COG3: variants seen among roughly 807,000 people sequenced by gnomAD.
COG3 encodes the protein conserved oligomeric Golgi complex subunit 3.
COG3 carries 32 observed loss-of-function variants against 114.1 expected under a neutral mutation model. That is an observed-to-expected ratio of 0.28 (90% confidence interval 0.21 to 0.38). The LOEUF is 0.38. Ranked by LOEUF, COG3 falls within the 10% of genes least tolerant of loss-of-function variation. COG3 has a pLI of 1.00. For missense variants in COG3, 813 were observed against 973.2 expected, an observed-to-expected ratio of 0.84 and a Z score of 2.19; for synonymous variants, 352 against 365.7, an observed-to-expected ratio of 0.96 and a Z score of 0.43.
At position 45,492,355 on chromosome 13, in the gene COG3, TTTAAC is replaced by T; in HGVS notation, c.1187+108_1187+112del. The T allele has an allele frequency of 5.1e-6, 3 of 586,670 alleles. No homozygotes were observed. In the South Asian group the frequency reaches 7.3e-5, roughly 14 times the overall value. The allele number at this position is 586,670 out of a possible 1,614,324, so 36.3% of individuals were successfully genotyped here. A position where few individuals can be genotyped will look rare whatever the true frequency, so the allele number is the denominator to read the frequency against. On this transcript the variant is annotated intron_variant, in intron 11 of 22. Coordinates refer to ENST00000349995, the MANE Select transcript of COG3 (RefSeq NM_031431.4). ...TATTCTATCATTAACTGGAGAATGT[TTTAAC>T]TTGTTTGTGTCTGTGAACAGAATAT...
intron 20 of COG3, among the ~76,000 whole-genome samples, chr13:45,526,328 C>T (rs1054418871): frequency 1.3e-4 from 19 of 151,818 alleles, no homozygotes; most frequent in African/African-American, 4.4e-4. Flanking sequence ...TCAGGCGATC[C>T]GCCCACCTCG....
chr13:45,474,500 A>G (rs1026186119), intron 1 of COG3, among the ~76,000 whole-genome samples: 9 of 152,142 alleles, frequency 5.9e-5, no homozygotes, highest in African/African-American at 1.7e-4. Flanking sequence ...TGATACAGAC[A>G]GTGTATCCGT....
chr13:45,464,972 G>A lies in COG3; in HGVS notation c.-65G>A. On this transcript the variant is annotated 5_prime_UTR_variant, in exon 1 of 23. Transcript: ENST00000349995. ...GGAAGCTCCGGTTCTCCCGGAAGTG[G>A]CCCAGGTCTCTCTGTCGGGGTCCCC... 1 of 1,513,350 alleles carries A rather than the reference G, an allele frequency of 6.6e-7. No homozygotes were observed. 93.7% of individuals were successfully genotyped at this position (1,513,350 alleles called of 1,614,324 possible).
chr13:45,535,902 A>C lies in COG3; in HGVS notation c.*1171A>C, dbSNP rs1266479681. ...TTCAAAAAGAATTCTGAGTTTTTCA[A>C]ACACTAGTCTAGAGGTGGACATTGT... On this transcript the variant is annotated 3_prime_UTR_variant, in exon 23 of 23. Transcript: ENST00000349995. The C allele has an allele frequency of 1.0e-6, 1 of 986,694 alleles. No homozygotes were observed. The highest frequency in any genetic ancestry group is 1.7e-5 in the African/African-American group (1 of 57,272). The allele number at this position is 986,694 out of a possible 1,614,324, so 61.1% of individuals were successfully genotyped here.
intron 19 of COG3, among the ~76,000 whole-genome samples, chr13:45,524,640 C>A (rs904748442): frequency 6.6e-6 from 1 of 152,188 alleles, no homozygotes; most frequent in African/African-American, 2.4e-5. Flanking sequence ...CCTTAAGAGA[C>A]ACCTGTTTTG....
intron 14 of COG3, among the ~76,000 whole-genome samples, chr13:45,506,038 A>T (rs1205206415): frequency 2.0e-5 from 3 of 150,980 alleles, no homozygotes; most frequent in African/African-American, 7.3e-5. Context: ...CTGGGAGTGT[A>T]GGCTCATGCC....
chr13:45,517,579 G>T (rs1383263062), intron 17 of COG3, among the ~76,000 whole-genome samples: 3 of 150,050 alleles, frequency 2.0e-5, no homozygotes, highest in Non-Finnish European at 4.4e-5. Context: ...TTAAATAGGA[G>T]CCAGATACCC....
intron 1 of COG3, among the ~76,000 whole-genome samples, chr13:45,471,633 T>C (rs543551667): frequency 2.0e-5 from 3 of 152,346 alleles, no homozygotes; most frequent in South Asian, 2.1e-4. Flanking sequence ...TTTGGGTAGA[T>C]ATGTGTTTTA....
At chr13:45,492,062 T>G (rs1317441967) in intron 10 of COG3, 97 bp from the exon 11 acceptor site, 1 of 698,314 alleles carries the variant, frequency 1.4e-6, no homozygotes, top group Non-Finnish European at 2.4e-6. Context: ...AGAGTGTGTA[T>G]GTGTTATCTC....
In COG3 at chr13:45,479,149, A is replaced by G. The variant is rs2137796265; in HGVS notation, c.383+83A>G. ...AGCATTTCATAATCAGTGTCTTTAA[A>G]TAAAACTGAGGTATTAAGAAAACTG... On this transcript the variant is annotated intron_variant, in intron 3 of 22. Transcript: ENST00000349995. 3 of 988,276 alleles carry G rather than the reference A, an allele frequency of 3.0e-6. No individual in the cohort carries two copies. The East Asian group carries it at 7.3e-5, about 24-fold the overall frequency. The allele number at this position is 988,276 out of a possible 1,614,324, so 61.2% of individuals were successfully genotyped here.
intron 22 of COG3, among the ~76,000 whole-genome samples, chr13:45,532,804 G>A (rs997501860): frequency 4.0e-5 from 6 of 151,838 alleles, no homozygotes; most frequent in South Asian, 4.2e-4. Context: ...TGATCCACCC[G>A]CCTCAGCCTC....
Position 45,511,781 on chromosome 13 carries a change from G to C in COG3, c.1736G>C (p.Gly579Ala), listed in dbSNP as rs1870897592. 1 of 1,613,640 alleles carries C rather than the reference G, an allele frequency of 6.2e-7. No individual in the cohort carries two copies. ...TTCCACCAGAGGGCAGTGTTCCAAG[G>C]ATTATCACAGGAAGCATTGTCTGCC... ...YRCIDRAVFQ[G>A]LSQEALSACI... Residue 579 changes from glycine (G) to alanine (A), a missense_variant, in exon 16 of 23, where the codon GGA (glycine) becomes GCA (alanine). Coordinates refer to ENST00000349995, the MANE Select transcript of COG3 (RefSeq NM_031431.4).
chr13:45,500,637 C>T (rs1869425686), intron 13 of COG3, among the ~76,000 whole-genome samples: 1 of 152,178 alleles, frequency 6.6e-6, no homozygotes, highest in East Asian at 1.9e-4. Context: ...CCAGTTGCTC[C>T]TATTACCAAG....
At chr13:45,481,402 T>C in intron 5 of COG3, 98 bp downstream of exon 5, 1 of 667,434 alleles carries the variant, frequency 1.5e-6, no homozygotes, top group Non-Finnish European at 2.7e-6. Flanking sequence ...GCTTGAGTGA[T>C]ATTTTAATTT....
At position 45,535,524 on chromosome 13, in the gene COG3, G is replaced by A. The variant is rs768556038; in HGVS notation, c.*793G>A. On this transcript the variant is annotated 3_prime_UTR_variant, in exon 23 of 23. Coordinates refer to ENST00000349995, the MANE Select transcript of COG3 (RefSeq NM_031431.4). ...AGGTGTCTTAAATTTGGCGCATAGA[G>A]GAGAGAAGGAAACCTGAGGAGTAGT... 6.1e-6 allele frequency: 6 copies of A among 985,608 alleles called. No homozygotes were observed. The highest frequency in any genetic ancestry group is 7.2e-6 in the Non-Finnish European group (6 of 830,072). 61.1% of individuals were successfully genotyped at this position (985,608 alleles called of 1,614,324 possible).
chr13:45,498,420 C>T lies in COG3; in HGVS notation c.1488+2108C>T, dbSNP rs3014953. On this transcript the variant is annotated intron_variant, in intron 13 of 22. Coordinates refer to ENST00000349995, the MANE Select transcript of COG3 (RefSeq NM_031431.4). ...TTTCACCCAGGCTGGAGTGCAGTGG[C>T]GCCATCTTGGCTTACTGCAACTTCT... Among the ~76,000 whole-genome samples the T allele has an allele frequency of 8.9e-3, 1,216 of 137,042 alleles. 3 individuals carry two copies. Among genetic ancestry groups the T allele is most frequent in the Non-Finnish European group, 0.014 (905 of 65,736 alleles). 89.9% of individuals were successfully genotyped at this position (137,042 alleles called of 152,430 possible).
At chr13:45,532,712 G>GGCCCC (rs1244887555) in intron 22 of COG3, among the ~76,000 whole-genome samples, 3 of 151,714 alleles carry the variant, frequency 2.0e-5, no homozygotes, top group African/African-American at 7.3e-5. Flanking sequence ...TGGGACTACA[G>GGCCCC]GCCCCGCCAA....
chr13:45,481,776 C>T (rs1593685834), intron 5 of COG3, among the ~76,000 whole-genome samples: 1 of 152,200 alleles, frequency 6.6e-6, no homozygotes. Context: ...GTTTCTGACT[C>T]ATAAATTAAT....
intron 20 of COG3, among the ~76,000 whole-genome samples, chr13:45,526,169 A>G (rs908832788): frequency 5.5e-5 from 7 of 126,552 alleles, no homozygotes; most frequent in South Asian, 2.5e-4. Flanking sequence ...GCTCACTGCA[A>G]CCACCTCCTG....
Sources: allele counts gnomAD v4.1 joint callset (sites outside exome capture counted in the v4.1 genomes callset), GRCh38; gene constraint gnomAD v4.1.1; transcripts MANE v1.5; gene names NCBI Gene and HGNC (gene_info 2026-07-23, HGNC 2026-07-21).